SORCS1: variants seen among roughly 807,000 people sequenced by gnomAD.
SORCS1 encodes VPS10 domain-containing receptor SorCS1.
In SORCS1, 60 loss-of-function variants were observed where a neutral mutation model predicts 146.1. The observed-to-expected ratio is 0.41, with a 90% CI of 0.33 to 0.51. The LOEUF (loss-of-function observed/expected upper bound fraction) is 0.51, where lower values mean the gene tolerates loss of function less well. SORCS1 is among the 20% of genes least tolerant of loss of function. SORCS1 has a pLI of 0.21. For synonymous variants in SORCS1, 637 were observed against 584.0 expected, an observed-to-expected ratio of 1.09 and a Z score of -1.31; for missense variants, 1,352 against 1,487.6, an observed-to-expected ratio of 0.91 and a Z score of 1.50.
At chr10:107,138,029 T>G (rs1967477860) in intron 1 of SORCS1, among the ~76,000 whole-genome samples, 1 of 152,134 alleles carries the variant, frequency 6.6e-6, no homozygotes, top group African/African-American at 2.4e-5. Flanking sequence ...GTTAAATGAG[T>G]TATTGAGTGG....
intron 1 of SORCS1, among the ~76,000 whole-genome samples, chr10:107,086,037 T>G (rs1053171730): frequency 6.6e-6 from 1 of 152,234 alleles, no homozygotes; most frequent in Non-Finnish European, 1.5e-5. Flanking sequence ...TCACAGATGC[T>G]GTCAAAATAA....
chr10:106,836,527 G>C (rs1366993699), intron 2 of SORCS1, among the ~76,000 whole-genome samples: 2 of 149,180 alleles, frequency 1.3e-5, no homozygotes, highest in Admixed American at 1.3e-4. Context: ...GCACTGGCCA[G>C]CATCCTTAAC....
At chr10:107,020,975 AAAG>A (rs1958102745) in intron 1 of SORCS1, among the ~76,000 whole-genome samples, 2 of 152,182 alleles carry the variant, frequency 1.3e-5, no homozygotes, top group South Asian at 2.1e-4. Context: ...TTTTTTTAAT[AAAG>A]AAGGAAACAA....
At chr10:107,011,936 G>T (rs993526295) in intron 1 of SORCS1, among the ~76,000 whole-genome samples, 1 of 152,294 alleles carries the variant, frequency 6.6e-6, no homozygotes, top group African/African-American at 2.4e-5. Context: ...AAGGACTGGT[G>T]AAATAAGGAG....
chr10:107,131,734 T>C (rs1487053154), intron 1 of SORCS1, among the ~76,000 whole-genome samples: 2 of 152,146 alleles, frequency 1.3e-5, no homozygotes, highest in Non-Finnish European at 2.9e-5. Context: ...AAAGTCTCTT[T>C]CTTTTATACT....
At chr10:106,989,271 G>GAA (rs1161174866) in intron 1 of SORCS1, among the ~76,000 whole-genome samples, 953 of 75,646 alleles carry the variant, frequency 0.013, 105 homozygotes, top group African/African-American at 0.056. Flanking sequence ...CTCCACCTCA[G>GAA]AAAAAAAAAA....
intron 2 of SORCS1, among the ~76,000 whole-genome samples, chr10:106,953,799 A>AGTATAATTTTATGGGACCACTATT (rs1255579881): frequency 2.0e-5 from 3 of 152,358 alleles, no homozygotes; most frequent in African/African-American, 4.8e-5. Context: ...GGAAAAATAC[A>AGTATAATTTTATGGGACCACTATT]GTATAATTTT....
chr10:106,721,076 GA>G (rs139814943), intron 6 of SORCS1, among the ~76,000 whole-genome samples: 2,507 of 142,360 alleles, frequency 0.018, 57 homozygotes, highest in African/African-American at 0.05. Context: ...AACACTGCTA[GA>G]AAAAAAAAAA....
chr10:106,708,245 G>A (rs1854675904), intron 7 of SORCS1, among the ~76,000 whole-genome samples: 1 of 148,702 alleles, frequency 6.7e-6, no homozygotes, highest in East Asian at 2.0e-4. Flanking sequence ...ATAAAGAAAT[G>A]GTGTGTGTGT....
At chr10:106,781,350 G>A (rs1324066253) in intron 3 of SORCS1, among the ~76,000 whole-genome samples, 1 of 152,050 alleles carries the variant, frequency 6.6e-6, no homozygotes, top group Admixed American at 6.6e-5. Flanking sequence ...TTCATTATTT[G>A]TTGGCTCATT....
chr10:106,944,604 C>A (rs1055983409), intron 2 of SORCS1, among the ~76,000 whole-genome samples: 4 of 152,170 alleles, frequency 2.6e-5, no homozygotes, highest in African/African-American at 7.2e-5. Flanking sequence ...TTCTTTGTAT[C>A]TGGATTTATA....
chr10:107,070,293 T>C (rs1352792142), intron 1 of SORCS1, among the ~76,000 whole-genome samples: 3 of 152,192 alleles, frequency 2.0e-5, no homozygotes, highest in Admixed American at 6.5e-5. Context: ...TGTGGACTTA[T>C]GTTTTCAGCT....
chr10:106,739,474 G>C (rs1283837446), intron 5 of SORCS1, among the ~76,000 whole-genome samples: 1 of 145,024 alleles, frequency 6.9e-6, no homozygotes, highest in African/African-American at 2.6e-5. Context: ...GACAGAGAGA[G>C]AGAGACTGTC....
intron 5 of SORCS1, among the ~76,000 whole-genome samples, chr10:106,742,595 G>C (rs755632102): frequency 2.0e-5 from 3 of 152,128 alleles, no homozygotes; most frequent in African/African-American, 7.2e-5. Flanking sequence ...GGCCAGGTTG[G>C]TCTCAAACTC....
At chr10:107,059,879 TAA>T (rs34340304) in intron 1 of SORCS1, among the ~76,000 whole-genome samples, 2 of 148,314 alleles carry the variant, frequency 1.3e-5, no homozygotes, top group Admixed American at 6.7e-5. Context: ...AAAAGTAGAT[TAA>T]AAAAAAAAAC....
intron 2 of SORCS1, among the ~76,000 whole-genome samples, chr10:106,931,203 A>G (rs1227887089): frequency 1.3e-5 from 2 of 152,204 alleles, no homozygotes; most frequent in Non-Finnish European, 2.9e-5. Flanking sequence ...ATTTGTACTT[A>G]AATCCTATGT....
At chr10:106,842,127 G>C (rs1564722736) in intron 2 of SORCS1, among the ~76,000 whole-genome samples, 3 of 151,830 alleles carry the variant, frequency 2.0e-5, no homozygotes, top group South Asian at 4.1e-4. Context: ...TTTAATAGGT[G>C]TATAGCAGCG....
chr10:106,651,271 C>T (rs1206106942), intron 18 of SORCS1, among the ~76,000 whole-genome samples: 1 of 152,192 alleles, frequency 6.6e-6, no homozygotes, highest in Non-Finnish European at 1.5e-5. Context: ...ACAAAGCAAT[C>T]ATAATTGCTT....
intron 19 of SORCS1, among the ~76,000 whole-genome samples, chr10:106,624,868 A>C (rs1847993377): frequency 6.6e-6 from 1 of 152,220 alleles, no homozygotes; most frequent in South Asian, 2.1e-4. Flanking sequence ...GCTATCCAAA[A>C]GCCTATTCTT....
Sources: allele counts gnomAD v4.1 joint callset (sites outside exome capture counted in the v4.1 genomes callset), GRCh38; gene constraint gnomAD v4.1.1; transcripts MANE v1.5; gene names NCBI Gene and HGNC (gene_info 2026-07-23, HGNC 2026-07-21).